GSK3B: variants seen among roughly 807,000 people sequenced by gnomAD.
GSK3B encodes glycogen synthase kinase 3 beta, also known as glycogen synthase kinase-3 beta.
In GSK3B, 15 loss-of-function variants were observed where a neutral mutation model predicts 56.4. That is an observed-to-expected ratio of 0.27 (90% confidence interval 0.18 to 0.41). The LOEUF (loss-of-function observed/expected upper bound fraction) is 0.41. Among genes scored for constraint, GSK3B ranks in the 10% least tolerant of loss-of-function variants. The pLI is 1.00. For synonymous variants in GSK3B, 181 were observed against 188.9 expected (o/e 0.96, Z 0.34); for missense variants, 300 against 513.4 (o/e 0.58, Z 4.02).
intron 1 of GSK3B, among the ~76,000 whole-genome samples, chr3:120,066,918 G>A (rs2058285700): frequency 6.6e-6 from 1 of 152,108 alleles, no homozygotes; most frequent in South Asian, 2.1e-4. Flanking sequence ...TAGACCAGCG[G>A]TGTCTATTCT....
chr3:120,014,522 G>C (rs1361169704), intron 1 of GSK3B, among the ~76,000 whole-genome samples: 2 of 152,136 alleles, frequency 1.3e-5, no homozygotes, highest in African/African-American at 4.8e-5. Context: ...TGGAACAAAT[G>C]AAACTATGAA....
At chr3:120,082,629 C>T (rs1489085190) in intron 1 of GSK3B, among the ~76,000 whole-genome samples, 1 of 151,720 alleles carries the variant, frequency 6.6e-6, no homozygotes, top group Admixed American at 6.6e-5. Context: ...CTCCTGACCT[C>T]GTGATCCACC....
intron 8 of GSK3B, among the ~76,000 whole-genome samples, chr3:119,865,758 C>T (rs2056175208): frequency 6.6e-6 from 1 of 151,916 alleles, no homozygotes; most frequent in Admixed American, 6.6e-5. Flanking sequence ...CGTGAGCCAC[C>T]GTGCCCGGCC....
intron 1 of GSK3B, among the ~76,000 whole-genome samples, chr3:120,064,900 G>GA (rs1223458843): frequency 6.6e-6 from 1 of 152,050 alleles, no homozygotes; most frequent in Non-Finnish European, 1.5e-5. Context: ...ACACAATGCG[G>GA]AAAAAAATAA....
intron 3 of GSK3B, among the ~76,000 whole-genome samples, chr3:119,941,182 A>AT (rs1414480651): frequency 3.3e-5 from 5 of 151,510 alleles, no homozygotes; most frequent in African/African-American, 7.3e-5. Context: ...CACCTGGCTA[A>AT]TTTTTTTTAT....
chr3:119,948,332 T>C (rs992873127), intron 2 of GSK3B, among the ~76,000 whole-genome samples: 6 of 152,144 alleles, frequency 3.9e-5, no homozygotes, highest in African/African-American at 1.4e-4. Flanking sequence ...CAGATAAAGA[T>C]AGCTATCCTA....
intron 1 of GSK3B, chr3:120,028,800 G>A (rs1460069054): frequency 4.5e-6 from 2 of 448,050 alleles, no homozygotes; most frequent in Non-Finnish European, 8.6e-6. Flanking sequence ...GTCTCCGCCA[G>A]TGGGCGGCCG....
intron 7 of GSK3B, among the ~76,000 whole-genome samples, chr3:119,901,773 A>G (rs892676728): frequency 2.0e-5 from 3 of 152,326 alleles, no homozygotes. Context: ...TAAGAATAAA[A>G]AAAAGTCCCT....
At chr3:119,833,714 T>TTC (rs1553722261) in intron 10 of GSK3B, among the ~76,000 whole-genome samples, 1 of 147,102 alleles carries the variant, frequency 6.8e-6, no homozygotes, top group Non-Finnish European at 1.5e-5. Flanking sequence ...TTTTTTTTTT[T>TTC]AGACAGGGTC....
At chr3:119,968,494 TA>T (rs1331619881) in intron 2 of GSK3B, among the ~76,000 whole-genome samples, 1 of 152,224 alleles carries the variant, frequency 6.6e-6, no homozygotes, top group Non-Finnish European at 1.5e-5. Context: ...AAGACTGGTT[TA>T]ACATTTGTCA....
intron 2 of GSK3B, among the ~76,000 whole-genome samples, chr3:119,997,784 C>G (rs2057637327): frequency 6.6e-6 from 1 of 152,064 alleles, no homozygotes; most frequent in African/African-American, 2.4e-5. Context: ...AGAAGAAAAT[C>G]CAATGTATAT....
At chr3:120,017,504 C>T (rs1208125355) in intron 1 of GSK3B, among the ~76,000 whole-genome samples, 1 of 152,114 alleles carries the variant, frequency 6.6e-6, no homozygotes, top group Non-Finnish European at 1.5e-5. Context: ...CCAACCCTGC[C>T]CTCACCTGAA....
At chr3:120,029,856 T>G (rs923503584) in intron 1 of GSK3B, 1 of 550,760 alleles carries the variant, frequency 1.8e-6, no homozygotes, top group African/African-American at 1.9e-5. Flanking sequence ...AAAAAGGAGG[T>G]GGCTCTAAGT....
intron 4 of GSK3B, among the ~76,000 whole-genome samples, 177 bp from the exon 5 acceptor site, chr3:119,916,351 A>G (rs946616408): frequency 2.6e-5 from 4 of 152,204 alleles, no homozygotes; most frequent in African/African-American, 9.6e-5. Context: ...AGCTATTTCT[A>G]TATGAATTAG....
At position 119,876,500 on chromosome 3, in the gene GSK3B, TC is replaced by T; in HGVS notation, c.821del (p.Gly274GlufsTer11). The T allele has an allele frequency of 6.3e-7, 1 of 1,582,226 alleles. No individual in the cohort carries two copies. Among genetic ancestry groups the T allele is most frequent in the Non-Finnish European group, 8.7e-7 (1 of 1,151,526 alleles). On this transcript the variant is annotated frameshift_variant, in exon 8 of 11. Transcript: ENST00000264235. LOFTEE classifies it high-confidence loss of function. ...DQLVEIIKVLGTPTREQIREM... is the reference protein window; with the variant it reads ...DQLVEIIKVLXTPTREQIREM... ...CTCTGATTTGCTCCCTTGTTGGAGT[TC>T]CCAGGACCTAGAAAGAAAGCAAGTT... is the stretch of plus-strand genomic sequence containing the variant.
intron 7 of GSK3B, among the ~76,000 whole-genome samples, chr3:119,894,221 C>T (rs751904801): frequency 9.2e-5 from 14 of 152,032 alleles, no homozygotes; most frequent in Admixed American, 2.0e-4. Context: ...TATAACATTG[C>T]TATAAACTTT....
chr3:119,865,949 A>G (rs1047705416), intron 8 of GSK3B, among the ~76,000 whole-genome samples: 2 of 152,194 alleles, frequency 1.3e-5, no homozygotes, highest in African/African-American at 2.4e-5. Flanking sequence ...CATTAAAATC[A>G]AGATTTAACC....
At chr3:119,879,702 T>C (rs1049380650) in intron 7 of GSK3B, among the ~76,000 whole-genome samples, 1 of 152,174 alleles carries the variant, frequency 6.6e-6, no homozygotes, top group African/African-American at 2.4e-5. Context: ...TGAGTTCAAT[T>C]GTTTTAATTT....
At chr3:119,910,161 GAATT>G (rs894274336) in intron 6 of GSK3B, among the ~76,000 whole-genome samples, 2 of 151,894 alleles carry the variant, frequency 1.3e-5, no homozygotes, top group African/African-American at 2.4e-5. Context: ...AAGTTACTTA[GAATT>G]AATTTAAATT....
Sources: gnomAD v4.1 joint callset for allele counts (sites outside exome capture counted in the v4.1 genomes callset) on GRCh38, gnomAD v4.1.1 for gene constraint, MANE v1.5 for transcripts, NCBI Gene and HGNC (gene_info 2026-07-23, HGNC 2026-07-21) for gene names.